Variants in SRRM4 observed in about 807,000 individuals in gnomAD.
SRRM4 encodes serine/arginine repetitive matrix protein 4.
Under a neutral mutation model 68.9 loss-of-function variants are expected in SRRM4, and 33 were observed. That is an observed-to-expected ratio of 0.48 (90% confidence interval 0.36 to 0.64). The LOEUF (loss-of-function observed/expected upper bound fraction) is 0.64. Ranked by LOEUF, SRRM4 falls within the 30% of genes least tolerant of loss-of-function variation. The pLI, the probability that SRRM4 is intolerant of heterozygous loss-of-function variation, is 0.00. For missense variants in SRRM4, 817 were observed against 827.1 expected (o/e 0.99, Z 0.15); for synonymous variants, 318 against 318.8 (o/e 1.00, Z 0.03).
chr12:119,048,783 G>A (rs188134703), intron 1 of SRRM4, among the ~76,000 whole-genome samples: 29 of 152,262 alleles, frequency 1.9e-4, no homozygotes, highest in African/African-American at 2.4e-4. Flanking sequence ...AAATTAGTCT[G>A]GCATGGTAGC....
chr12:119,127,064 T>G (rs1954265590), intron 7 of SRRM4, among the ~76,000 whole-genome samples: 7 of 121,302 alleles, frequency 5.8e-5, no homozygotes, highest in East Asian at 2.7e-4. Context: ...TGTTGTGGGG[T>G]TGGGGGACGG....
chr12:118,996,312 T>TC (rs1337100189), intron 1 of SRRM4, among the ~76,000 whole-genome samples: 4 of 152,228 alleles, frequency 2.6e-5, no homozygotes, highest in Non-Finnish European at 5.9e-5. Flanking sequence ...TGTGCATATT[T>TC]AAATAATCAT....
At chr12:118,983,409 G>A (rs959865066) in intron 1 of SRRM4, among the ~76,000 whole-genome samples, 2 of 152,236 alleles carry the variant, frequency 1.3e-5, no homozygotes, top group Non-Finnish European at 2.9e-5. Context: ...ACAGGCTGGA[G>A]AAGGGGAACA....
chr12:119,014,146 A>T (rs774729408), intron 1 of SRRM4, among the ~76,000 whole-genome samples: 11 of 152,026 alleles, frequency 7.2e-5, no homozygotes, highest in Non-Finnish European at 1.6e-4. Context: ...TGATAATCTT[A>T]TATTTTGCTA....
At chr12:119,067,954 C>T (rs899887967) in intron 1 of SRRM4, among the ~76,000 whole-genome samples, 3 of 152,160 alleles carry the variant, frequency 2.0e-5, no homozygotes, top group Non-Finnish European at 4.4e-5. Context: ...TTTATTAAAT[C>T]CGGCCTCCCC....
At chr12:119,068,184 A>G (rs1349758519) in intron 1 of SRRM4, among the ~76,000 whole-genome samples, 1 of 152,088 alleles carries the variant, frequency 6.6e-6, no homozygotes, top group Non-Finnish European at 1.5e-5. Context: ...GACCTTCCCT[A>G]TGCTTCATTT....
intron 1 of SRRM4, among the ~76,000 whole-genome samples, chr12:119,013,921 G>GCTA (rs1953465299): frequency 7.2e-6 from 1 of 138,748 alleles, no homozygotes; most frequent in Non-Finnish European, 1.6e-5. Context: ...AAGTGTGCAT[G>GCTA]CTACCCTCCC....
chr12:118,986,539 C>T (rs1953283260), intron 1 of SRRM4, among the ~76,000 whole-genome samples: 2 of 152,292 alleles, frequency 1.3e-5, no homozygotes, highest in African/African-American at 4.8e-5. Context: ...GATTAGCTCT[C>T]TCCCCACCCC....
chr12:119,079,892 T>TTC (rs1351788396), intron 1 of SRRM4, among the ~76,000 whole-genome samples: 1 of 151,224 alleles, frequency 6.6e-6, no homozygotes, highest in African/African-American at 2.4e-5. Flanking sequence ...ATTCTGAAGT[T>TTC]TTTTTTTTCA....
chr12:119,092,578 C>T (rs570855037), intron 1 of SRRM4, among the ~76,000 whole-genome samples: 1 of 152,244 alleles, frequency 6.6e-6, no homozygotes, highest in Admixed American at 6.5e-5. Flanking sequence ...CATGCAAAAA[C>T]TCTGTTGATT....
intron 1 of SRRM4, among the ~76,000 whole-genome samples, chr12:119,018,958 GT>G (rs1953497863): frequency 6.6e-6 from 1 of 152,098 alleles, no homozygotes; most frequent in Non-Finnish European, 1.5e-5. Flanking sequence ...GAATAATTTG[GT>G]TGCAAAAATC....
At chr12:119,043,254 C>T (rs1190406167) in intron 1 of SRRM4, among the ~76,000 whole-genome samples, 2 of 152,082 alleles carry the variant, frequency 1.3e-5, no homozygotes, top group Non-Finnish European at 2.9e-5. Flanking sequence ...ATGGATGGAG[C>T]TGGGAGCCAT....
intron 1 of SRRM4, among the ~76,000 whole-genome samples, chr12:119,099,979 G>C (rs926861273): frequency 3.3e-5 from 5 of 152,210 alleles, no homozygotes; most frequent in Non-Finnish European, 7.3e-5. Context: ...TTCAAAGGGA[G>C]ATAAATTAAG....
At chr12:119,027,969 G>T (rs1002102432) in intron 1 of SRRM4, among the ~76,000 whole-genome samples, 10 of 152,238 alleles carry the variant, frequency 6.6e-5, no homozygotes, top group African/African-American at 2.2e-4. Flanking sequence ...TAATAGCAAA[G>T]ATTCTTAAAC....
chr12:119,138,087 G>A (rs1264925637), intron 8 of SRRM4, among the ~76,000 whole-genome samples: 5 of 152,092 alleles, frequency 3.3e-5, no homozygotes, highest in Non-Finnish European at 5.9e-5. Context: ...TTTGGGGTCC[G>A]GAGAGCTCAT....
rs1481764449 is a variant in SRRM4, at chr12:119,158,098, G to C, written c.*1300G>C. ...GGGCAGAGAGGGTAAGCTGATCTCC[G>C]ATCCACAAATACCACCAGCTGCTTC... On this transcript the variant is annotated 3_prime_UTR_variant, in exon 13 of 13. Coordinates refer to ENST00000267260, the MANE Select transcript of SRRM4 (RefSeq NM_194286.4). 3 of 152,710 alleles carry C rather than the reference G, an allele frequency of 2.0e-5. No homozygotes were observed. The South Asian group carries it at 6.2e-4, about 32-fold the overall frequency. The allele number at this position is 152,710 out of a possible 1,614,324, so 9.5% of individuals were successfully genotyped here. A position where few individuals can be genotyped will look rare whatever the true frequency, so the allele number is the denominator to read the frequency against.
chr12:119,058,600 CT>C (rs959155654), intron 1 of SRRM4, among the ~76,000 whole-genome samples: 6 of 152,186 alleles, frequency 3.9e-5, no homozygotes, highest in Admixed American at 1.3e-4. Flanking sequence ...GGTACAGAGT[CT>C]AGCATATTAT....
At chr12:119,086,484 A>G (rs1212375696) in intron 1 of SRRM4, among the ~76,000 whole-genome samples, 1 of 152,218 alleles carries the variant, frequency 6.6e-6, no homozygotes, top group Non-Finnish European at 1.5e-5. Context: ...AGCCATAGCC[A>G]TGAATTTTTC....
chr12:119,009,213 T>C (rs918465564), intron 1 of SRRM4, among the ~76,000 whole-genome samples: 7 of 152,184 alleles, frequency 4.6e-5, no homozygotes, highest in African/African-American at 1.4e-4. Context: ...GGAACTTTAA[T>C]TATCCCACCG....
Sources: gnomAD v4.1 joint callset for allele counts (sites outside exome capture counted in the v4.1 genomes callset) on GRCh38, gnomAD v4.1.1 for gene constraint, MANE v1.5 for transcripts, NCBI Gene and HGNC (gene_info 2026-07-23, HGNC 2026-07-21) for gene names.